The following ZNF626 variants were observed in gnomAD, a reference collection of about 807,000 sequenced individuals.
ZNF626 encodes zinc finger protein 626.
A neutral mutation model predicts 11.7 loss-of-function variants in ZNF626; 4 were observed. The ratio of observed to expected loss-of-function variants is 0.34; its 90% CI spans 0.17 to 0.78. ZNF626 has a LOEUF of 0.78. ZNF626 is among the 30% of genes least tolerant of loss of function. The pLI, the probability that ZNF626 is intolerant of heterozygous loss-of-function variation, is 0.57. For synonymous variants in ZNF626, 179 were observed against 198.6 expected (o/e 0.90, Z 0.83); for missense variants, 588 against 587.1 (o/e 1.00, Z -0.01).
chr19:20,637,688 G>A (rs895840883), intron 3 of ZNF626, among the ~76,000 whole-genome samples: 22 of 151,640 alleles, frequency 1.5e-4, no homozygotes, highest in African/African-American at 5.3e-4. Flanking sequence ...TATAGAAAGT[G>A]TGCAAAAGAA....
intron 1 of ZNF626, among the ~76,000 whole-genome samples, chr19:20,659,036 T>C (rs1207037235): frequency 2.0e-5 from 3 of 152,106 alleles, no homozygotes; most frequent in African/African-American, 7.2e-5. Context: ...ATGAAACACA[T>C]AGAAAATCCT....
rs1396064525 is a variant in ZNF626 at position 20,623,356 on chromosome 19, CT to C, written c.*933del. The C allele has an allele frequency of 1.3e-5, 2 of 152,064 alleles. No individual in the cohort carries two copies. The highest frequency in any genetic ancestry group is 2.9e-5 in the Non-Finnish European group (2 of 68,018). The allele number at this position is 152,064 out of a possible 1,614,324, so 9.4% of individuals were successfully genotyped here. On this transcript the variant is annotated 3_prime_UTR_variant, in exon 4 of 4. Transcript: ENST00000601440. ...ATCAAATGTGGCAACCATATAAAGG[CT>C]GTTTCACATTTTATATATTTCTAGG...
intron 3 of ZNF626, among the ~76,000 whole-genome samples, chr19:20,643,003 T>A: frequency 7.4e-6 from 1 of 134,816 alleles, no homozygotes. Context: ...AGAGGGTAAC[T>A]CCTTCTCAAA....
rs1328812935 is a variant in ZNF626, at chr19:20,621,838, T to C, written c.*2452A>G. 6.6e-6 allele frequency: 1 copy of C among 152,202 alleles called. No homozygotes were observed. Among genetic ancestry groups the C allele is most frequent in the Non-Finnish European group, 1.5e-5 (1 of 68,036 alleles). 9.4% of individuals were successfully genotyped at this position (152,202 alleles called of 1,614,324 possible). ...TGAGTAAGGCCGGATAGGTTAAAGTTAGTGGCATAATAATGCTTCATTAAA... is the reference window on the plus strand; with the variant it reads ...TGAGTAAGGCCGGATAGGTTAAAGTCAGTGGCATAATAATGCTTCATTAAA... On this transcript the variant is annotated 3_prime_UTR_variant, in exon 4 of 4. Coordinates refer to ENST00000601440, the MANE Select transcript of ZNF626 (RefSeq NM_001076675.3).
rs2144758000 is a variant in ZNF626, at chr19:20,621,774, C to T, written c.*2516G>A. On this transcript the variant is annotated 3_prime_UTR_variant, in exon 4 of 4. Transcript: ENST00000601440. ...ACTAGTGATGACATTCCACTACATA[C>T]CAAATAGTATACTTCTTCCATCTTT... 6.6e-6 allele frequency: 1 copy of T among 152,266 alleles called. No homozygotes were observed. The highest frequency in any genetic ancestry group is 2.1e-4 in the South Asian group (1 of 4,824). 9.4% of individuals were successfully genotyped at this position (152,266 alleles called of 1,614,324 possible).
chr19:20,648,182 A>C (rs1970104474), intron 1 of ZNF626, among the ~76,000 whole-genome samples: 1 of 151,714 alleles, frequency 6.6e-6, no homozygotes, highest in East Asian at 1.9e-4. Flanking sequence ...TGTCAAAAAA[A>C]AAAAAAAAAG....
intron 3 of ZNF626, among the ~76,000 whole-genome samples, chr19:20,630,720 C>A (rs574546077): frequency 1.4e-5 from 2 of 148,062 alleles, no homozygotes; most frequent in African/African-American, 5.1e-5. Context: ...TTGATCTTTT[C>A]GAAAAACCAG....
chr19:20,643,666 A>T (rs1555771660), intron 3 of ZNF626, among the ~76,000 whole-genome samples: 1 of 152,184 alleles, frequency 6.6e-6, no homozygotes, highest in East Asian at 1.9e-4. Context: ...TAGCAAAAAA[A>T]GTCAGCCATC....
rs1969751856 is a variant in ZNF626, at chr19:20,621,006, TTTA to T, written c.*3281_*3283del. The stretch of plus-strand genomic sequence containing the variant: ...GGCGCCCACCACCACGCCCAGCTAA[TTTA>T]TTTTTAGTAGAGACAGGGTTTCAAC... On this transcript the variant is annotated 3_prime_UTR_variant, in exon 4 of 4. Transcript: ENST00000601440. 6.6e-6 allele frequency: 1 copy of T among 152,416 alleles called. No homozygotes were observed. The highest frequency in any genetic ancestry group is 1.5e-5 in the Non-Finnish European group (1 of 68,330). The allele number at this position is 152,416 out of a possible 1,614,324, so 9.4% of individuals were successfully genotyped here.
intron 3 of ZNF626, among the ~76,000 whole-genome samples, chr19:20,643,304 T>A (rs8102765): frequency 0.075 from 11,349 of 151,754 alleles, 1,190 homozygotes; most frequent in African/African-American, 0.24. Flanking sequence ...CAGAAAAAAA[T>A]ATATATATAT....
intron 3 of ZNF626, among the ~76,000 whole-genome samples, chr19:20,642,459 G>A (rs1480446924): frequency 6.6e-6 from 1 of 152,128 alleles, no homozygotes; most frequent in African/African-American, 2.4e-5. Flanking sequence ...TTGGCCGGGG[G>A]TGGTGGCGTG....
At chr19:20,628,696 GA>G (rs2144766991) in intron 3 of ZNF626, among the ~76,000 whole-genome samples, 1 of 152,282 alleles carries the variant, frequency 6.6e-6, no homozygotes, top group East Asian at 1.9e-4. Flanking sequence ...TTTGTCAGAT[GA>G]GCAGGTTGCA....
intron 3 of ZNF626, among the ~76,000 whole-genome samples, chr19:20,643,969 G>A (rs1404688363): frequency 2.0e-5 from 3 of 152,174 alleles, no homozygotes; most frequent in Non-Finnish European, 4.4e-5. Flanking sequence ...CTACAGACCA[G>A]GATAGGGTTC....
intron 3 of ZNF626, among the ~76,000 whole-genome samples, chr19:20,642,688 T>C (rs1171392107): frequency 6.6e-6 from 1 of 151,996 alleles, no homozygotes; most frequent in South Asian, 2.1e-4. Context: ...AAATGTTTAC[T>C]CATAAAATCT....
intron 3 of ZNF626, among the ~76,000 whole-genome samples, chr19:20,633,637 G>C (rs1969934282): frequency 6.6e-6 from 1 of 152,182 alleles, no homozygotes; most frequent in South Asian, 2.1e-4. Context: ...AAGCCCGTTG[G>C]AAAAGCGCAG....
chr19:20,659,431 G>A (rs1489748506), intron 1 of ZNF626, among the ~76,000 whole-genome samples: 3 of 152,048 alleles, frequency 2.0e-5, no homozygotes, highest in African/African-American at 7.2e-5. Context: ...GTAGACACAG[G>A]GTTATCACCA....
chr19:20,639,638 G>C (rs1970002414), intron 3 of ZNF626, among the ~76,000 whole-genome samples: 1 of 152,186 alleles, frequency 6.6e-6, no homozygotes, highest in Non-Finnish European at 1.5e-5. Flanking sequence ...TCAGAAAACT[G>C]AGGTAAAAGG....
At chr19:20,627,603 AAT>A (rs1226551034) in intron 3 of ZNF626, among the ~76,000 whole-genome samples, 1 of 151,936 alleles carries the variant, frequency 6.6e-6, no homozygotes, top group East Asian at 1.9e-4. Context: ...AAACCATTTA[AAT>A]ATATATATAA....
In ZNF626 at chr19:20,645,389, C is replaced by T. The variant is rs139498396; in HGVS notation, c.226+295G>A. Reference sequence around the variant, plus strand: ...ATTATGGAAAAGCAGCCACACTGTGCAGTCTCTTATATGTCATGAAGAGGA... The same window carrying T: ...ATTATGGAAAAGCAGCCACACTGTGTAGTCTCTTATATGTCATGAAGAGGA... On this transcript the variant is annotated intron_variant, in intron 3 of 3. Coordinates refer to ENST00000601440, the MANE Select transcript of ZNF626 (RefSeq NM_001076675.3). The T allele has an allele frequency of 5.9e-5, 95 of 1,603,982 alleles. 2 individuals carry two copies. The African/African-American group carries it at 1.2e-3, about 20-fold the overall frequency.
Sources: allele counts gnomAD v4.1 joint callset (sites outside exome capture counted in the v4.1 genomes callset), GRCh38; gene constraint gnomAD v4.1.1; transcripts MANE v1.5; gene names NCBI Gene and HGNC (gene_info 2026-07-23, HGNC 2026-07-21).